DLGAP1: variants seen among roughly 807,000 people sequenced by gnomAD.
DLGAP1 encodes the protein DLG associated protein 1, also known as disks large-associated protein 1.
Under a neutral mutation model 90.8 loss-of-function variants are expected in DLGAP1, and 11 were observed. The observed-to-expected ratio is 0.12, with a 90% CI of 0.08 to 0.20. The LOEUF is 0.20. Ranked by LOEUF, DLGAP1 falls within the 10% of genes least tolerant of loss-of-function variation. The pLI, the probability that DLGAP1 is intolerant of heterozygous loss-of-function variation, is 1.00. For missense variants in DLGAP1, 1,050 were observed against 1,333.8 expected (o/e 0.79, Z 3.31); for synonymous variants, 558 against 540.7 (o/e 1.03, Z -0.44).
intron 7 of DLGAP1, among the ~76,000 whole-genome samples, chr18:3,628,480 G>T (rs921555318): frequency 2.6e-5 from 4 of 152,062 alleles, no homozygotes; most frequent in Non-Finnish European, 5.9e-5. Context: ...GAGCCAGTGT[G>T]CCCAGCCTAT....
chr18:3,811,382 C>T (rs2148410422), intron 5 of DLGAP1, among the ~76,000 whole-genome samples: 1 of 152,236 alleles, frequency 6.6e-6, no homozygotes, highest in Middle Eastern at 3.4e-3. Context: ...GTGCTTCCTT[C>T]AAACCTTGTT....
intron 7 of DLGAP1, among the ~76,000 whole-genome samples, chr18:3,666,279 G>C (rs776491958): frequency 6.6e-5 from 10 of 152,122 alleles, no homozygotes; most frequent in Non-Finnish European, 1.2e-4. Context: ...AAATACTGAA[G>C]GGCAATTTTG....
At chr18:3,597,103 ACT>A (rs750954193) in intron 7 of DLGAP1, 3 of 510,256 alleles carry the variant, frequency 5.9e-6, no homozygotes, top group Non-Finnish European at 1.2e-5. Context: ...TTTTTTTTTC[ACT>A]CTCAGCCCAC....
At chr18:4,430,502 C>CTGTGTCTGTGTGTG in intron 1 of DLGAP1, 1 of 142,550 alleles carries the variant, frequency 7.0e-6, no homozygotes, top group East Asian at 2.1e-4. Flanking sequence ...TCTTGTGTGT[C>CTGTGTCTGTGTGTG]TGTGTGTGTG....
At chr18:3,987,166 G>A (rs2073860031) in intron 3 of DLGAP1, among the ~76,000 whole-genome samples, 1 of 152,240 alleles carries the variant, frequency 6.6e-6, no homozygotes, top group African/African-American at 2.4e-5. Context: ...TTCCTCATCT[G>A]TCAAATGGTA....
intron 1 of DLGAP1, among the ~76,000 whole-genome samples, chr18:4,393,568 A>T (rs2082380139): frequency 6.6e-6 from 1 of 152,176 alleles, no homozygotes; most frequent in South Asian, 2.1e-4. Flanking sequence ...TCTCAACCAT[A>T]GTTTGTTGAT....
intron 4 of DLGAP1, among the ~76,000 whole-genome samples, chr18:3,835,016 A>AT (rs1466708275): frequency 6.6e-6 from 1 of 152,146 alleles, no homozygotes; most frequent in Non-Finnish European, 1.5e-5. Flanking sequence ...TACAGATTAT[A>AT]TTTTGCTTTT....
intron 2 of DLGAP1, among the ~76,000 whole-genome samples, chr18:4,121,492 C>A (rs1428075851): frequency 6.6e-6 from 1 of 152,118 alleles, no homozygotes. Context: ...TGATCACTCT[C>A]GATTCTGATC....
chr18:3,626,828 G>A (rs935310569), intron 7 of DLGAP1, among the ~76,000 whole-genome samples: 1 of 151,892 alleles, frequency 6.6e-6, no homozygotes, highest in Admixed American at 6.6e-5. Context: ...AACCCGGGAG[G>A]GCGGAGGCTG....
At chr18:3,647,671 G>A (rs1439686510) in intron 7 of DLGAP1, among the ~76,000 whole-genome samples, 1 of 151,894 alleles carries the variant, frequency 6.6e-6, no homozygotes, top group Admixed American at 6.6e-5. Flanking sequence ...TCACCATGTT[G>A]ACCAGGCTGG....
intron 7 of DLGAP1, among the ~76,000 whole-genome samples, chr18:3,601,073 TATAG>T (rs1157631188): frequency 6.9e-6 from 1 of 145,962 alleles, no homozygotes; most frequent in Non-Finnish European, 1.5e-5. Flanking sequence ...TATATAGATA[TATAG>T]ATAGATATAT....
At chr18:4,257,237 G>A (rs1347883915) in intron 1 of DLGAP1, among the ~76,000 whole-genome samples, 1 of 152,134 alleles carries the variant, frequency 6.6e-6, no homozygotes, top group African/African-American at 2.4e-5. Context: ...AATATTGAGT[G>A]AAATGTCCAA....
chr18:3,582,932 A>T (rs1421413873), intron 7 of DLGAP1, among the ~76,000 whole-genome samples: 6 of 141,116 alleles, frequency 4.3e-5, no homozygotes, highest in Admixed American at 8.0e-5. Context: ...AAATATTTTT[A>T]AAAAATAGAG....
At chr18:3,795,361 G>T (rs1271242961) in intron 5 of DLGAP1, among the ~76,000 whole-genome samples, 5 of 152,082 alleles carry the variant, frequency 3.3e-5, no homozygotes, top group Admixed American at 1.3e-4. Context: ...CTGTTGCCAG[G>T]CTGGAGTGCA....
At chr18:4,118,230 C>T (rs147400859) in intron 2 of DLGAP1, among the ~76,000 whole-genome samples, 67 of 152,212 alleles carry the variant, frequency 4.4e-4, no homozygotes, top group Middle Eastern at 3.4e-3. Flanking sequence ...CCCTGCAGGC[C>T]GAGCTGTGGA....
chr18:4,390,321 T>C (rs1016471916), intron 1 of DLGAP1, among the ~76,000 whole-genome samples: 2 of 152,022 alleles, frequency 1.3e-5, no homozygotes, highest in Non-Finnish European at 2.9e-5. Flanking sequence ...ACATCCCATA[T>C]CACAGTGGTA....
intron 3 of DLGAP1, among the ~76,000 whole-genome samples, chr18:3,964,830 T>A (rs1196680585): frequency 6.6e-6 from 1 of 152,174 alleles, no homozygotes; most frequent in Non-Finnish European, 1.5e-5. Flanking sequence ...AAGTGCAAAC[T>A]GTGGACAAAG....
chr18:3,892,578 C>T (rs1014007221), intron 3 of DLGAP1, among the ~76,000 whole-genome samples: 14 of 152,090 alleles, frequency 9.2e-5, no homozygotes, highest in African/African-American at 2.4e-4. Flanking sequence ...ATCTAATTTA[C>T]GATCTAGTTG....
chr18:3,972,150 T>TA, intron 3 of DLGAP1, among the ~76,000 whole-genome samples: 1 of 152,210 alleles, frequency 6.6e-6, no homozygotes, highest in African/African-American at 2.4e-5. Context: ...TTAAATTTTT[T>TA]ATGAGTTTAT....
Sources: gnomAD v4.1 joint callset for allele counts (sites outside exome capture counted in the v4.1 genomes callset) on GRCh38, gnomAD v4.1.1 for gene constraint, MANE v1.5 for transcripts, NCBI Gene and HGNC (gene_info 2026-07-23, HGNC 2026-07-21) for gene names.